The following TENM2 variants were observed in gnomAD, a reference collection of about 807,000 sequenced individuals.
TENM2 encodes teneurin transmembrane protein 2, also known as teneurin-2.
Under a neutral mutation model 245.2 loss-of-function variants are expected in TENM2, and 52 were observed. The ratio of observed to expected loss-of-function variants is 0.21; its 90% CI spans 0.17 to 0.27. The LOEUF is 0.27. Among genes scored for constraint, TENM2 ranks in the 10% least tolerant of loss-of-function variants. The pLI is 1.00. For missense variants in TENM2, 3,046 were observed against 3,666.8 expected (o/e 0.83, Z 4.37); for synonymous variants, 1,363 against 1,438.9 (o/e 0.95, Z 1.19).
At chr5:167,981,071 G>A (rs1023905083) in intron 4 of TENM2, among the ~76,000 whole-genome samples, 2 of 152,192 alleles carry the variant, frequency 1.3e-5, no homozygotes, top group Non-Finnish European at 2.9e-5. Context: ...CACATCCAGT[G>A]ACTGGTCCGA....
intron 2 of TENM2, among the ~76,000 whole-genome samples, chr5:167,601,762 T>G (rs1000341546): frequency 1.3e-5 from 2 of 152,232 alleles, no homozygotes; most frequent in Non-Finnish European, 1.5e-5. Context: ...TTGATTAATA[T>G]AATTTATTGC....
At chr5:167,123,143 CAAA>C in the TENM2 span, among the ~76,000 whole-genome samples, 3 of 102,852 alleles carry the variant, frequency 2.9e-5, no homozygotes, top group African/African-American at 6.8e-5. Context: ...ACTAAAAATA[CAAA>C]AAAAAAAAAA....
At chr5:167,887,514 G>T (rs992341222) in intron 3 of TENM2, among the ~76,000 whole-genome samples, 2 of 152,226 alleles carry the variant, frequency 1.3e-5, no homozygotes, top group Non-Finnish European at 2.9e-5. Context: ...ATCACATTTA[G>T]AAAGAACAGA....
At chr5:167,416,558 G>C (rs1210750513) in intron 2 of TENM2, among the ~76,000 whole-genome samples, 1 of 152,184 alleles carries the variant, frequency 6.6e-6, no homozygotes, top group East Asian at 1.9e-4. Context: ...GATGACAGCA[G>C]TTGGCAATGC....
chr5:168,220,719 T>A (rs1354389548), intron 23 of TENM2, among the ~76,000 whole-genome samples: 4 of 152,160 alleles, frequency 2.6e-5, no homozygotes, highest in Admixed American at 6.5e-5. Context: ...TCACCTCCTG[T>A]CAGGGCAGTG....
intron 13 of TENM2, among the ~76,000 whole-genome samples, chr5:168,181,790 C>T (rs1237532670): frequency 6.7e-6 from 1 of 150,044 alleles, no homozygotes; most frequent in African/African-American, 2.5e-5. Flanking sequence ...GATTCTTCTG[C>T]CTCAGCCTCC....
intron 2 of TENM2, among the ~76,000 whole-genome samples, chr5:167,516,974 T>A (rs766243928): frequency 5.9e-5 from 9 of 152,216 alleles, no homozygotes; most frequent in Middle Eastern, 3.2e-3. Flanking sequence ...AGAGCCAAGT[T>A]TGAATGAATT....
chr5:167,830,681 A>G (rs1768390825), intron 2 of TENM2, among the ~76,000 whole-genome samples: 1 of 152,208 alleles, frequency 6.6e-6, no homozygotes, highest in Admixed American at 6.5e-5. Flanking sequence ...GACTGGCTGC[A>G]AAGACAGTCC....
chr5:167,716,767 C>T (rs78454557), intron 2 of TENM2, among the ~76,000 whole-genome samples: 4,640 of 151,934 alleles, frequency 0.031, 222 homozygotes, highest in African/African-American at 0.11. Context: ...ATTACTATGC[C>T]TATAATACAG....
intron 2 of TENM2, among the ~76,000 whole-genome samples, chr5:167,413,544 T>C (rs1211696905): frequency 6.6e-6 from 1 of 152,140 alleles, no homozygotes; most frequent in African/African-American, 2.4e-5. Context: ...ACCATGCCTT[T>C]AAGGCTCACA....
At position 168,124,952 on chromosome 5, in the gene TENM2, T is replaced by C. The variant is rs764619913; in HGVS notation, c.2111T>C (p.Val704Ala). ...GGTCTGAACTGTGAGCTGGCGAGGG[T>C]CCAGTGCCCAGACCAGTGCAGTGGG... The change falls in exon 11 of 29, where the codon GTC becomes GCC. Residue 704 changes from valine (V) to alanine (A), a missense_variant. Val to Ala is a moderately conservative substitution (Grantham distance 64). Transcript: ENST00000518659. 1.9e-6 allele frequency: 3 copies of C among 1,612,290 alleles called. No homozygotes were observed. The highest frequency in any genetic ancestry group is 1.6e-4 in the Middle Eastern group (1 of 6,062).
chr5:167,791,439 A>T (rs1477495031), intron 2 of TENM2, among the ~76,000 whole-genome samples: 1 of 145,252 alleles, frequency 6.9e-6, no homozygotes, highest in Non-Finnish European at 1.5e-5. Context: ...TTATATATTT[A>T]TATATAATAT....
At chr5:167,967,445 C>T (rs989751052) in intron 4 of TENM2, among the ~76,000 whole-genome samples, 1 of 152,144 alleles carries the variant, frequency 6.6e-6, no homozygotes, top group African/African-American at 2.4e-5. Context: ...TTATTCAAGA[C>T]CACTCCAGCC....
the TENM2 span, among the ~76,000 whole-genome samples, chr5:166,985,014 T>G: frequency 1.3e-5 from 2 of 152,162 alleles, no homozygotes; most frequent in Admixed American, 1.3e-4. Flanking sequence ...AGTAATTTGA[T>G]GCCAAAAGGA....
At chr5:167,419,617 CATA>C (rs1433058840) in intron 2 of TENM2, among the ~76,000 whole-genome samples, 2 of 152,138 alleles carry the variant, frequency 1.3e-5, no homozygotes, top group African/African-American at 4.8e-5. Flanking sequence ...TTCAAAGTTA[CATA>C]ATATATTTTC....
the TENM2 span, among the ~76,000 whole-genome samples, chr5:167,074,606 T>C: frequency 6.6e-6 from 1 of 152,226 alleles, no homozygotes; most frequent in African/African-American, 2.4e-5. Flanking sequence ...TAAAGGAACG[T>C]TGACAGCAGT....
intron 2 of TENM2, among the ~76,000 whole-genome samples, chr5:167,605,585 C>T (rs1274834711): frequency 1.3e-5 from 2 of 152,184 alleles, no homozygotes; most frequent in African/African-American, 4.8e-5. Context: ...ATGTGTTATA[C>T]AAGTCCTTAT....
intron 2 of TENM2, among the ~76,000 whole-genome samples, chr5:167,620,928 T>C (rs1436696751): frequency 6.6e-6 from 1 of 152,136 alleles, no homozygotes; most frequent in Non-Finnish European, 1.5e-5. Context: ...TAATTAATGA[T>C]GGTAATGATG....
At chr5:167,316,560 C>T (rs1756375296) in intron 1 of TENM2, among the ~76,000 whole-genome samples, 1 of 152,144 alleles carries the variant, frequency 6.6e-6, no homozygotes. Context: ...AGTATCCATA[C>T]ATGTTTACTT....
Sources: allele counts gnomAD v4.1 joint callset (sites outside exome capture counted in the v4.1 genomes callset), GRCh38; gene constraint gnomAD v4.1.1; transcripts MANE v1.5; gene names NCBI Gene and HGNC (gene_info 2026-07-23, HGNC 2026-07-21).